The following ADGRV1 variants were observed in gnomAD, a reference collection of about 807,000 sequenced individuals.
ADGRV1 encodes adhesion G protein-coupled receptor V1.
ADGRV1 carries 359 observed loss-of-function variants against 596.2 expected under a neutral mutation model. The ratio of observed to expected loss-of-function variants is 0.60; its 90% CI spans 0.55 to 0.66. The LOEUF (loss-of-function observed/expected upper bound fraction) is 0.66. Among genes scored for constraint, ADGRV1 ranks in the 30% least tolerant of loss-of-function variants. ADGRV1 has a pLI of 0.00. For missense variants in ADGRV1, 7,274 were observed against 7,575.6 expected, an observed-to-expected ratio of 0.96 and a Z score of 1.48; for synonymous variants, 2,681 against 2,679.2, an observed-to-expected ratio of 1.00 and a Z score of -0.02.
At position 90,928,944 on chromosome 5, in the gene ADGRV1, G is replaced by C. The variant is rs536449914; in HGVS notation, c.17857-36471G>C. On this transcript the variant is annotated intron_variant, in intron 83 of 89. Transcript: ENST00000405460. ...GGGGTGCCTCCCAGTTAGGCTGCTC[G>C]GGGGTCAGGGGTCAGGGACCCACTT... Among the ~76,000 whole-genome samples, 540 of 145,782 alleles carry C rather than the reference G, an allele frequency of 3.7e-3. 3 individuals carry two copies. Among genetic ancestry groups the C allele is most frequent in the Middle Eastern group, 0.017 (5 of 286 alleles).
chr5:90,759,311 G>A, intron 57 of ADGRV1, 98 bp from the exon 58 acceptor site: 1 of 911,052 alleles, frequency 1.1e-6, no homozygotes, highest in Middle Eastern at 2.4e-4. Flanking sequence ...TAAAATATAT[G>A]TCAGCAAAAA....
intron 84 of ADGRV1, among the ~76,000 whole-genome samples, chr5:90,972,494 T>C (rs1237166278): frequency 6.6e-6 from 1 of 151,992 alleles, no homozygotes; most frequent in South Asian, 2.1e-4. Context: ...GAAATTATAA[T>C]AAACTGTCTC....
chr5:90,949,640 T>G (rs1160276632), intron 83 of ADGRV1, among the ~76,000 whole-genome samples: 1 of 152,186 alleles, frequency 6.6e-6, no homozygotes, highest in Non-Finnish European at 1.5e-5. Context: ...ACCTTCCCAC[T>G]ACAGGGAAAT....
chr5:90,608,593 A>G (rs891300935), intron 1 of ADGRV1, among the ~76,000 whole-genome samples: 2 of 152,158 alleles, frequency 1.3e-5, no homozygotes, highest in Non-Finnish European at 2.9e-5. Context: ...AGTTAAGTGG[A>G]AGGATAATAT....
intron 83 of ADGRV1, among the ~76,000 whole-genome samples, chr5:90,879,355 A>G (rs1396098266): frequency 6.6e-6 from 1 of 152,224 alleles, no homozygotes; most frequent in Non-Finnish European, 1.5e-5. Flanking sequence ...ACAGGGTGAA[A>G]TAAACTTGAA....
At chr5:91,148,974 C>G (rs911582792) in intron 87 of ADGRV1, among the ~76,000 whole-genome samples, 2 of 152,228 alleles carry the variant, frequency 1.3e-5, no homozygotes, top group Non-Finnish European at 2.9e-5. Context: ...TGTTGCCCCT[C>G]TGTTTTGACC....
intron 67 of ADGRV1, among the ~76,000 whole-genome samples, chr5:90,784,724 C>A (rs867390706): frequency 7.2e-5 from 11 of 152,134 alleles, no homozygotes; most frequent in Middle Eastern, 6.8e-3. Flanking sequence ...CACATGGAAC[C>A]TCCTAAGCCA....
rs1761813642 is a variant in ADGRV1 at position 90,805,442 on chromosome 5, C to T, written c.14820C>T (p.Asn4940=). ...TTCCTGAATTCATTGTTGTTGGCAA[C>T]ATGACCCCAACACTGGGTGAGTTGT... ...LEIPEFIVVG[N]MTPTLGSLSF... The change falls in exon 72 of 90, where the codon AAC becomes AAT. Residue 4940 remains asparagine (N), a synonymous_variant. Transcript: ENST00000405460. 6.3e-7 allele frequency: 1 copy of T among 1,589,444 alleles called. No individual in the cohort carries two copies. Among genetic ancestry groups the T allele is most frequent in the Non-Finnish European group, 8.6e-7 (1 of 1,160,424 alleles).
chr5:91,139,060 C>A (rs767649342), intron 87 of ADGRV1, among the ~76,000 whole-genome samples: 1 of 152,136 alleles, frequency 6.6e-6, no homozygotes, highest in Non-Finnish European at 1.5e-5. Flanking sequence ...CGTGAGCCAC[C>A]GCGCCCACTG....
At chr5:90,861,959 A>G (rs6877139) in intron 82 of ADGRV1, among the ~76,000 whole-genome samples, 2,439 of 152,200 alleles carry the variant, frequency 0.016, 65 homozygotes, top group African/African-American at 0.056. Flanking sequence ...CTAGATAACT[A>G]TGATGCGTTA....
rs1299745412 is a variant in ADGRV1, at chr5:91,126,464, G to T, written c.18433-23566G>T. 2.6e-5 allele frequency among the ~76,000 whole-genome samples: 4 copies of T among 152,204 alleles called. No individual in the cohort carries two copies. The East Asian group carries it at 5.8e-4, about 22-fold the overall frequency. On this transcript the variant is annotated intron_variant, in intron 87 of 89. Coordinates refer to ENST00000405460, the MANE Select transcript of ADGRV1 (RefSeq NM_032119.4). ...TGCCCCACTTAGAGGAGCTAAAATA[G>T]CTAAAGGTTACATGCTTTGCCTCAA...
chr5:90,908,376 A>G (rs1772518815), intron 83 of ADGRV1, among the ~76,000 whole-genome samples: 1 of 152,172 alleles, frequency 6.6e-6, no homozygotes, highest in Non-Finnish European at 1.5e-5. Flanking sequence ...GTTTCAGACA[A>G]TTCAATTGTA....
chr5:90,782,117 C>T (rs1045845612), intron 65 of ADGRV1, among the ~76,000 whole-genome samples: 3 of 152,040 alleles, frequency 2.0e-5, no homozygotes, highest in African/African-American at 7.3e-5. Context: ...GAGATGGCTG[C>T]CTTTCTAGGA....
chr5:91,156,983 G>T (rs1321667541), intron 89 of ADGRV1, among the ~76,000 whole-genome samples: 3 of 152,178 alleles, frequency 2.0e-5, no homozygotes, highest in Non-Finnish European at 4.4e-5. Flanking sequence ...GAAAAATCTA[G>T]CAACAGAGTC....
At chr5:91,061,851 ATGT>A (rs1444912196) in intron 85 of ADGRV1, among the ~76,000 whole-genome samples, 1 of 152,220 alleles carries the variant, frequency 6.6e-6, no homozygotes, top group Non-Finnish European at 1.5e-5. Flanking sequence ...TTCAAGAGCA[ATGT>A]TGTTTAAAGA....
intron 61 of ADGRV1, among the ~76,000 whole-genome samples, chr5:90,777,625 T>C (rs1758386896): frequency 6.6e-6 from 1 of 152,190 alleles, no homozygotes; most frequent in South Asian, 2.1e-4. Flanking sequence ...AGCCTATAAA[T>C]ATTAATACTT....
At chr5:91,035,303 G>T (rs538441940) in intron 85 of ADGRV1, among the ~76,000 whole-genome samples, 1 of 152,104 alleles carries the variant, frequency 6.6e-6, no homozygotes, top group Non-Finnish European at 1.5e-5. Flanking sequence ...GTGTCACCTT[G>T]TCTTTGTCTT....
intron 87 of ADGRV1, among the ~76,000 whole-genome samples, chr5:91,107,005 C>A (rs529962720): frequency 6.6e-6 from 1 of 152,094 alleles, no homozygotes; most frequent in South Asian, 2.1e-4. Context: ...AGGAGCAATG[C>A]GGTCTACAGC....
chr5:90,748,417 A>G (rs1259206626), intron 52 of ADGRV1, among the ~76,000 whole-genome samples: 1 of 152,210 alleles, frequency 6.6e-6, no homozygotes, highest in Non-Finnish European at 1.5e-5. Context: ...ATATTTTTTC[A>G]ACATACAATC....
Sources: allele counts gnomAD v4.1 joint callset (sites outside exome capture counted in the v4.1 genomes callset), GRCh38; gene constraint gnomAD v4.1.1; transcripts MANE v1.5; gene names NCBI Gene and HGNC (gene_info 2026-07-23, HGNC 2026-07-21).